Variants in SIM1 observed in about 807,000 individuals in gnomAD.
SIM1 encodes SIM bHLH transcription factor 1.
In SIM1, 18 loss-of-function variants were observed where a neutral mutation model predicts 78.2. The observed-to-expected ratio is 0.23, with a 90% CI of 0.16 to 0.34. The LOEUF is 0.34. Among genes scored for constraint, SIM1 ranks in the 10% least tolerant of loss-of-function variants. SIM1 has a pLI of 1.00. For missense variants in SIM1, 939 were observed against 975.1 expected (o/e 0.96, Z 0.49); for synonymous variants, 417 against 385.2 (o/e 1.08, Z -0.97).
Position 100,387,647 on chromosome 6 carries a change from A to G in SIM1, c.*2714T>C, listed in dbSNP as rs1770545962. On this transcript the variant is annotated 3_prime_UTR_variant, in exon 12 of 12. Coordinates refer to ENST00000369208, the MANE Select transcript of SIM1 (RefSeq NM_005068.3). Reference sequence around the variant, plus strand: ...ATTTTAAAATGGTTATGTACTTAAAACTGGGTCAATCTACCAAAATTTTGA... The same window carrying G: ...ATTTTAAAATGGTTATGTACTTAAAGCTGGGTCAATCTACCAAAATTTTGA... 1 of 152,116 alleles carries G rather than the reference A, an allele frequency of 6.6e-6. No individual in the cohort carries two copies. The highest frequency in any genetic ancestry group is 1.5e-5 in the Non-Finnish European group (1 of 67,956). 9.4% of individuals were successfully genotyped at this position (152,116 alleles called of 1,614,324 possible).
chr6:100,462,268 T>C (rs1362497610), intron 2 of SIM1, among the ~76,000 whole-genome samples: 2 of 152,230 alleles, frequency 1.3e-5, no homozygotes, highest in Non-Finnish European at 2.9e-5. Flanking sequence ...CTTGGATTTT[T>C]GTTTGTTTGC....
chr6:100,436,893 A>G (rs945155961), intron 9 of SIM1, among the ~76,000 whole-genome samples: 7 of 151,062 alleles, frequency 4.6e-5, no homozygotes, highest in Non-Finnish European at 1.5e-5. Context: ...CCGCACCACC[A>G]CACCCGGTTA....
chr6:100,412,683 AAAAG>A (rs373803181), intron 10 of SIM1, among the ~76,000 whole-genome samples: 13,624 of 76,634 alleles, frequency 0.18, 1,369 homozygotes, highest in Non-Finnish European at 0.19. Flanking sequence ...GAAAGAAAGA[AAAAG>A]AAAGAAAGAA....
intron 3 of SIM1, 21 bp downstream of exon 3, chr6:100,453,741 C>T (rs1436540234): frequency 5.7e-6 from 9 of 1,591,736 alleles, no homozygotes; most frequent in Non-Finnish European, 6.9e-6. Flanking sequence ...TTATGTGTTG[C>T]CGGAAGACCT....
chr6:100,399,085 G>T (rs778472634), intron 10 of SIM1, among the ~76,000 whole-genome samples: 5 of 151,990 alleles, frequency 3.3e-5, no homozygotes, highest in Non-Finnish European at 7.4e-5. Flanking sequence ...TTTGTCATTT[G>T]TAAATCTTTG....
At chr6:100,457,198 G>A (rs2114552996) in intron 2 of SIM1, among the ~76,000 whole-genome samples, 1 of 152,348 alleles carries the variant, frequency 6.6e-6, no homozygotes, top group East Asian at 1.9e-4. Flanking sequence ...GAAGATAAGC[G>A]TGTGTTCTGT....
Position 100,388,626 on chromosome 6 carries a change from A to G in SIM1, c.*1735T>C, listed in dbSNP as rs945255523. The G allele has an allele frequency of 2.0e-5, 3 of 152,190 alleles. No homozygotes were observed. The highest frequency in any genetic ancestry group is 6.5e-5 in the Admixed American group (1 of 15,284). The allele number at this position is 152,190 out of a possible 1,614,324, so 9.4% of individuals were successfully genotyped here. A position where few individuals can be genotyped will look rare whatever the true frequency, so the allele number is the denominator to read the frequency against. ...AATAACTGTGTTAAATGATGAAAAT[A>G]TACTACTAATCCCTGAGTATTCAAT... is the stretch of plus-strand genomic sequence containing the variant. On this transcript the variant is annotated 3_prime_UTR_variant, in exon 12 of 12. Transcript: ENST00000369208.
At chr6:100,455,620 G>A (rs566802647) in intron 2 of SIM1, among the ~76,000 whole-genome samples, 2 of 152,352 alleles carry the variant, frequency 1.3e-5, no homozygotes, top group Admixed American at 6.5e-5. Context: ...GAAAGCCGAG[G>A]ACGCCGGCGA....
chr6:100,449,818 C>A, intron 4 of SIM1, 119 bp from the exon 5 acceptor site: 4 of 768,704 alleles, frequency 5.2e-6, no homozygotes, highest in Non-Finnish European at 8.8e-6. Flanking sequence ...CTGGAATTGG[C>A]CCTGAGTTCC....
chr6:100,395,982 A>T lies in SIM1; in HGVS notation c.1168-2093T>A, dbSNP rs150179753. 2.3e-3 allele frequency: 1,057 copies of T among 458,818 alleles called. 10 individuals carry two copies. Among genetic ancestry groups the T allele is most frequent in the African/African-American group, 0.021 (1,007 of 47,264 alleles). The allele number at this position is 458,818 out of a possible 1,614,324, so 28.4% of individuals were successfully genotyped here. A position where few individuals can be genotyped will look rare whatever the true frequency, so the allele number is the denominator to read the frequency against. ...ATCAGCATATTCCATCAAGAAAAAAAATTAGAAAATCCACCTTATCTCCCT... is the reference window on the plus strand; with the variant it reads ...ATCAGCATATTCCATCAAGAAAAAATATTAGAAAATCCACCTTATCTCCCT... On this transcript the variant is annotated intron_variant, in intron 10 of 11. Coordinates refer to ENST00000369208, the MANE Select transcript of SIM1 (RefSeq NM_005068.3).
chr6:100,422,881 A>G (rs767102051), intron 9 of SIM1, among the ~76,000 whole-genome samples: 1 of 152,250 alleles, frequency 6.6e-6, no homozygotes, highest in East Asian at 1.9e-4. Context: ...GAGTAAGAAT[A>G]GAAACCAGCT....
chr6:100,429,097 G>A (rs925061836), intron 9 of SIM1, among the ~76,000 whole-genome samples: 22 of 152,082 alleles, frequency 1.4e-4, no homozygotes, highest in Non-Finnish European at 2.1e-4. Context: ...GGCTGGGCAC[G>A]GTAGCTCACG....
rs760143545 is a variant in SIM1 at position 100,404,367 on chromosome 6, G to C, written c.1168-10478C>G. Reference sequence around the variant, plus strand: ...ATTGAGGTTTTTATCATTTATAGCTGTAAAATATATAAAGAGACCCTCTTC... The same window carrying C: ...ATTGAGGTTTTTATCATTTATAGCTCTAAAATATATAAAGAGACCCTCTTC... On this transcript the variant is annotated intron_variant, in intron 10 of 11. Transcript: ENST00000369208. 2.6e-5 allele frequency among the ~76,000 whole-genome samples: 4 copies of C among 152,232 alleles called. No individual in the cohort carries two copies. The South Asian group carries it at 8.3e-4, about 32-fold the overall frequency.
At chr6:100,454,203 C>T (rs1772587349) in intron 2 of SIM1, among the ~76,000 whole-genome samples, 1 of 152,168 alleles carries the variant, frequency 6.6e-6, no homozygotes, top group South Asian at 2.1e-4. Flanking sequence ...CTGCTTCTCG[C>T]CCAAAGTTTT....
Position 100,448,755 on chromosome 6 carries a change from A to G in SIM1, c.544-77T>C, listed in dbSNP as rs971698042. 7 of 1,330,380 alleles carry G rather than the reference A, an allele frequency of 5.3e-6. No individual in the cohort carries two copies. In the African/African-American group the frequency reaches 7.2e-5, roughly 14 times the overall value. 82.4% of individuals were successfully genotyped at this position (1,330,380 alleles called of 1,614,324 possible). On this transcript the variant is annotated intron_variant, in intron 6 of 11. Transcript: ENST00000369208. ...CAAAAGGTGGAGAAGGGGTTGAAAC[A>G]TGTTGAAACTCTGCTTAGCCCCAAA...
intron 11 of SIM1, among the ~76,000 whole-genome samples, chr6:100,392,223 T>C (rs752000868): frequency 6.6e-6 from 1 of 152,164 alleles, no homozygotes; most frequent in Non-Finnish European, 1.5e-5. Flanking sequence ...ACAACCTGTT[T>C]GGAGCCAAGG....
In SIM1 at chr6:100,390,947, T is replaced by C; in HGVS notation, c.1715A>G (p.Gln572Arg). 6.2e-7 allele frequency: 1 copy of C among 1,614,202 alleles called. No individual in the cohort carries two copies. Among genetic ancestry groups the C allele is most frequent in the Non-Finnish European group, 8.5e-7 (1 of 1,180,036 alleles). The change falls in exon 12 of 12, where the codon CAG becomes CGG. Residue 572 changes from glutamine to arginine, a missense_variant. By Grantham distance (43) the Gln-to-Arg change is conservative. Transcript: ENST00000369208. ...SKIETLIRAT[Q>R]QMIKEEENRL... ...GTTCTCTTCTTCTTTAATCATTTGC[T>C]GAGTGGCTCTTATAAGAGTTTCAAT...
At chr6:100,434,347 G>A (rs1474344651) in intron 9 of SIM1, among the ~76,000 whole-genome samples, 1 of 152,164 alleles carries the variant, frequency 6.6e-6, no homozygotes, top group Non-Finnish European at 1.5e-5. Context: ...GAATATAAAT[G>A]CTGTGCCTTC....
chr6:100,450,114 A>G, intron 4 of SIM1, 153 bp downstream of exon 4: 1 of 668,054 alleles, frequency 1.5e-6, no homozygotes, highest in Non-Finnish European at 2.6e-6. Context: ...AGAAATGGAG[A>G]GACCCAGAAC....
Sources: gnomAD v4.1 joint callset for allele counts (sites outside exome capture counted in the v4.1 genomes callset) on GRCh38, gnomAD v4.1.1 for gene constraint, MANE v1.5 for transcripts, NCBI Gene and HGNC (gene_info 2026-07-23, HGNC 2026-07-21) for gene names.